Variants in GALNT13 observed in about 807,000 individuals in gnomAD.
GALNT13 encodes the protein polypeptide N-acetylgalactosaminyltransferase 13, also known as UDP-GalNAc:polypeptide N-acetylgalactosaminyltransferase 13.
In GALNT13, 28 loss-of-function variants were observed where a neutral mutation model predicts 64.2. That is an observed-to-expected ratio of 0.44 (90% CI 0.32 to 0.60). The LOEUF (loss-of-function observed/expected upper bound fraction) is 0.60, where lower values mean the gene tolerates loss of function less well. Among genes scored for constraint, GALNT13 ranks in the 20% least tolerant of loss-of-function variants. The probability of loss-of-function intolerance (pLI) is 0.05; values close to 1 mark genes in which losing one functional copy is unlikely to be tolerated. For missense variants in GALNT13, 577 were observed against 669.8 expected (o/e 0.86, Z 1.53); for synonymous variants, 214 against 224.6 (o/e 0.95, Z 0.42).
At chr2:154,443,447 TAAATA>T (rs1220743550) in intron 12 of GALNT13, among the ~76,000 whole-genome samples, 1 of 152,084 alleles carries the variant, frequency 6.6e-6, no homozygotes, top group Non-Finnish European at 1.5e-5. Flanking sequence ...GCTATTAAAT[TAAATA>T]TAGTACAAAT....
intron 4 of GALNT13, among the ~76,000 whole-genome samples, chr2:154,187,873 G>C (rs940009202): frequency 1.4e-4 from 21 of 152,058 alleles, no homozygotes; most frequent in Non-Finnish European, 2.9e-4. Flanking sequence ...TGACAGAAAT[G>C]CAAACCCTAC....
the GALNT13 span, among the ~76,000 whole-genome samples, chr2:153,359,630 C>CAAAAAAAAAAAAAAAAAAAA: frequency 9.7e-4 from 37 of 38,238 alleles, 5 homozygotes; most frequent in East Asian, 2.5e-3. Flanking sequence ...CAGCTTTCAG[C>CAAAAAAAAAAAAAAAAAAAA]AAAAAAAAAA....
chr2:153,999,098 C>A (rs377022831), intron 3 of GALNT13, among the ~76,000 whole-genome samples: 3 of 152,076 alleles, frequency 2.0e-5, no homozygotes, highest in African/African-American at 7.2e-5. Flanking sequence ...CCAAGACAAT[C>A]CTAAGCAAAA....
chr2:153,089,970 T>G, the GALNT13 span, among the ~76,000 whole-genome samples: 1 of 152,180 alleles, frequency 6.6e-6, no homozygotes, highest in African/African-American at 2.4e-5. Context: ...GATCCATTTC[T>G]GGGGAGCTGG....
chr2:154,379,877 A>T (rs1013595156), intron 9 of GALNT13, among the ~76,000 whole-genome samples: 1 of 152,072 alleles, frequency 6.6e-6, no homozygotes, highest in Non-Finnish European at 1.5e-5. Context: ...CCCCATGAAA[A>T]TATTAATAAA....
At chr2:153,103,691 T>G in the GALNT13 span, among the ~76,000 whole-genome samples, 1 of 152,328 alleles carries the variant, frequency 6.6e-6, no homozygotes, top group South Asian at 2.1e-4. Context: ...TCTTTTTTGG[T>G]TTGCTTTTCT....
At chr2:153,305,613 C>T in the GALNT13 span, among the ~76,000 whole-genome samples, 1 of 152,038 alleles carries the variant, frequency 6.6e-6, no homozygotes, top group East Asian at 1.9e-4. Context: ...TGGTTGTAAA[C>T]CCTGGATAGA....
chr2:154,160,047 CTTTCTCCTGTACT>C (rs1173165131), intron 4 of GALNT13, among the ~76,000 whole-genome samples: 1 of 152,124 alleles, frequency 6.6e-6, no homozygotes, highest in African/African-American at 2.4e-5. Flanking sequence ...ATTGGAAATG[CTTTCTCCTGTACT>C]TTCCTCTAAA....
At chr2:154,393,175 G>A (rs1028838133) in intron 9 of GALNT13, among the ~76,000 whole-genome samples, 1 of 152,162 alleles carries the variant, frequency 6.6e-6, no homozygotes, top group Non-Finnish European at 1.5e-5. Context: ...TTGCAGATAA[G>A]AGTTTGGGGA....
rs1226463481 is a variant in GALNT13 at position 154,450,655 on chromosome 2, T to G, written c.*104T>G. ...GCTGAATTGAAAGTTTTAAAAATCC[T>G]TTTAGTATTCTAAAACACAATTGTT... On this transcript the variant is annotated 3_prime_UTR_variant, in exon 13 of 13. Coordinates refer to ENST00000392825, the MANE Select transcript of GALNT13 (RefSeq NM_052917.4). The G allele has an allele frequency of 9.3e-7, 1 of 1,079,636 alleles. No homozygotes were observed. 66.9% of individuals were successfully genotyped at this position (1,079,636 alleles called of 1,614,324 possible). A position where few individuals can be genotyped will look rare whatever the true frequency, so the allele number is the denominator to read the frequency against.
the GALNT13 span, among the ~76,000 whole-genome samples, chr2:153,607,137 A>G: frequency 3.3e-5 from 5 of 151,922 alleles, no homozygotes; most frequent in Non-Finnish European, 7.4e-5. Context: ...CAGGAACCCA[A>G]ATACCATGAC....
the GALNT13 span, among the ~76,000 whole-genome samples, chr2:153,312,257 T>C: frequency 6.6e-6 from 1 of 152,234 alleles, no homozygotes; most frequent in Non-Finnish European, 1.5e-5. Flanking sequence ...CTGAGAAGAA[T>C]GTAGACTGGG....
the GALNT13 span, among the ~76,000 whole-genome samples, chr2:153,548,943 T>C: frequency 5.2e-3 from 787 of 152,316 alleles, 12 homozygotes; most frequent in African/African-American, 0.018. Flanking sequence ...AGAAATAAAG[T>C]ACTTATACAT....
intron 2 of GALNT13, chr2:153,926,261 T>C (rs1189036544): frequency 1.3e-5 from 2 of 152,064 alleles, no homozygotes; most frequent in Admixed American, 1.3e-4. Flanking sequence ...AATATACAAT[T>C]TATTGGTGTT....
chr2:154,289,406 A>G (rs533494237), intron 8 of GALNT13, among the ~76,000 whole-genome samples: 1 of 152,310 alleles, frequency 6.6e-6, no homozygotes, highest in Non-Finnish European at 1.5e-5. Flanking sequence ...GGTTTAATTG[A>G]CTTACAGTTC....
chr2:154,063,132 T>C (rs1417055807), intron 3 of GALNT13, among the ~76,000 whole-genome samples: 1 of 152,040 alleles, frequency 6.6e-6, no homozygotes, highest in East Asian at 1.9e-4. Context: ...GCAGCAAATA[T>C]GTATTTCCTT....
the GALNT13 span, among the ~76,000 whole-genome samples, chr2:153,517,233 G>A: frequency 1.3e-5 from 2 of 152,144 alleles, no homozygotes; most frequent in Non-Finnish European, 2.9e-5. Flanking sequence ...CCATGAAACT[G>A]TATATGCTTA....
chr2:154,080,728 C>G (rs1701231127), intron 3 of GALNT13, among the ~76,000 whole-genome samples: 1 of 151,626 alleles, frequency 6.6e-6, no homozygotes, highest in African/African-American at 2.4e-5. Flanking sequence ...AATCCTTTGA[C>G]TATTCAAATA....
At chr2:153,757,138 C>T in the GALNT13 span, among the ~76,000 whole-genome samples, 4 of 152,116 alleles carry the variant, frequency 2.6e-5, no homozygotes, top group African/African-American at 9.7e-5. Context: ...TTTCTCCTGT[C>T]TAAATGAAAC....
Sources: allele counts gnomAD v4.1 joint callset (sites outside exome capture counted in the v4.1 genomes callset), GRCh38; gene constraint gnomAD v4.1.1; transcripts MANE v1.5; gene names NCBI Gene and HGNC (gene_info 2026-07-23, HGNC 2026-07-21).